GRAMD1B: variants seen among roughly 807,000 people sequenced by gnomAD.
GRAMD1B encodes the protein protein Aster-B.
GRAMD1B carries 37 observed loss-of-function variants against 99.7 expected under a neutral mutation model. The ratio of observed to expected loss-of-function variants is 0.37; its 90% CI spans 0.29 to 0.49. The LOEUF is 0.49. Among genes scored for constraint, GRAMD1B ranks in the 20% least tolerant of loss-of-function variants. GRAMD1B has a pLI of 0.98. For missense variants in GRAMD1B, 888 were observed against 1,009.2 expected (o/e 0.88, Z 1.63); for synonymous variants, 427 against 387.6 (o/e 1.10, Z -1.19).
At position 123,492,560 on chromosome 11, in the gene GRAMD1B, G is replaced by A. The variant is rs1174145675; in HGVS notation, c.452+11667G>A. 6.6e-6 allele frequency among the ~76,000 whole-genome samples: 1 copy of A among 152,170 alleles called. No individual in the cohort carries two copies. The highest frequency in any genetic ancestry group is 1.5e-5 in the Non-Finnish European group (1 of 68,032). ...CCTGCCCTCTTGGCCTCTGTAACTA[G>A]AAGAAGGAGATTTCCTGGAGGAGGA... On this transcript the variant is annotated intron_variant, in intron 2 of 19. Transcript: ENST00000635736. The surrounding 1 kb of genome is among the most constrained non-coding windows in gnomAD (Gnocchi z 4.2).
intron 1 of GRAMD1B, among the ~76,000 whole-genome samples, chr11:123,468,552 G>A (rs1226495777): frequency 6.6e-6 from 1 of 152,076 alleles, no homozygotes; most frequent in Non-Finnish European, 1.5e-5. Flanking sequence ...CTGGCACTTC[G>A]GGAGGCTGAG....
intron 1 of GRAMD1B, among the ~76,000 whole-genome samples, chr11:123,434,363 C>G (rs1431850749): frequency 6.6e-6 from 1 of 151,868 alleles, no homozygotes; most frequent in Admixed American, 6.6e-5. Context: ...ATACTGCCTT[C>G]TGTTGGAATC....
Position 123,548,341 on chromosome 11 carries a change from C to CAT in GRAMD1B, c.453-29025_453-29024insTA, listed in dbSNP as rs1177104031. Among the ~76,000 whole-genome samples the CAT allele has an allele frequency of 5.2e-3, 602 of 114,814 alleles. 16 individuals carry two copies. Among genetic ancestry groups the CAT allele is most frequent in the African/African-American group, 0.022 (518 of 23,560 alleles). 75.3% of individuals were successfully genotyped at this position (114,814 alleles called of 152,430 possible). A position where few individuals can be genotyped will look rare whatever the true frequency, so the allele number is the denominator to read the frequency against. On this transcript the variant is annotated intron_variant, in intron 2 of 19. Transcript: ENST00000635736. ...ATATATATATACACACACACACACA[C>CAT]ACACACACATATATATATATATGTA... is the stretch of plus-strand genomic sequence containing the variant.
chr11:123,556,621 G>T (rs1200853314), intron 2 of GRAMD1B, among the ~76,000 whole-genome samples: 1 of 152,172 alleles, frequency 6.6e-6, no homozygotes, highest in African/African-American at 2.4e-5. Context: ...GATAGTGTCA[G>T]TTTTCTGTAT....
Position 123,446,176 on chromosome 11 carries a change from A to G in GRAMD1B, c.374+15010A>G, listed in dbSNP as rs112459981. On this transcript the variant is annotated intron_variant, in intron 1 of 19. Coordinates refer to ENST00000635736, the MANE Select transcript of GRAMD1B (RefSeq NM_001387025.1). ...GCCTCTGCAGACTTCTTTTATTATT[A>G]TTTTTTTTAGATGGAGTCTCTCTTT... Among the ~76,000 whole-genome samples, 1,024 of 151,298 alleles carry G rather than the reference A, an allele frequency of 6.8e-3. 12 individuals are homozygous for G. The highest frequency in any genetic ancestry group is 0.023 in the African/African-American group (945 of 41,158).
chr11:123,482,130 G>C (rs1033961187), intron 2 of GRAMD1B, among the ~76,000 whole-genome samples: 2 of 149,684 alleles, frequency 1.3e-5, no homozygotes, highest in African/African-American at 4.9e-5. Context: ...ACAGAATCTC[G>C]CTCTGTCACA....
At chr11:123,465,173 T>G (rs903693735) in intron 1 of GRAMD1B, among the ~76,000 whole-genome samples, 2 of 152,056 alleles carry the variant, frequency 1.3e-5, no homozygotes, top group African/African-American at 4.8e-5. Flanking sequence ...AAAGAGACTC[T>G]GGATGGAACT....
At position 123,430,591 on chromosome 11, in the gene GRAMD1B, G is replaced by A; in HGVS notation, c.-202G>A. 1 of 452,696 alleles carries A rather than the reference G, an allele frequency of 2.2e-6. No individual in the cohort carries two copies. Among genetic ancestry groups the A allele is most frequent in the East Asian group, 3.6e-5 (1 of 28,140 alleles). The allele number at this position is 452,696 out of a possible 1,614,324, so 28.0% of individuals were successfully genotyped here. A position where few individuals can be genotyped will look rare whatever the true frequency, so the allele number is the denominator to read the frequency against. On this transcript the variant is annotated 5_prime_UTR_variant, in exon 1 of 20. Transcript: ENST00000635736. The stretch of plus-strand genomic sequence containing the variant: ...TGACGGCCCGGAGGACGCGCGCTCC[G>A]AAAAGTTAGACTCCGGGCGGCGGCG...
chr11:123,526,430 C>T (rs1942755235), intron 2 of GRAMD1B, among the ~76,000 whole-genome samples: 1 of 152,168 alleles, frequency 6.6e-6, no homozygotes. Flanking sequence ...AATCAAATTG[C>T]AGCTAAAACG....
At chr11:123,378,455 A>G (rs1946764218) in intron 1 of GRAMD1B, among the ~76,000 whole-genome samples, 1 of 152,182 alleles carries the variant, frequency 6.6e-6, no homozygotes, top group African/African-American at 2.4e-5. Context: ...TTTATCAAAT[A>G]TATGATTTGC....
intron 1 of GRAMD1B, among the ~76,000 whole-genome samples, chr11:123,412,037 A>T (rs1948070119): frequency 6.6e-6 from 1 of 152,240 alleles, no homozygotes; most frequent in African/African-American, 2.4e-5. Context: ...CATGTGTTGT[A>T]TATATATGTA....
chr11:123,509,196 C>T (rs1341630379), intron 2 of GRAMD1B, among the ~76,000 whole-genome samples: 1 of 152,114 alleles, frequency 6.6e-6, no homozygotes, highest in Non-Finnish European at 1.5e-5. Context: ...TGTTTTGACC[C>T]TTTGGCTTTT....
chr11:123,534,081 T>G (rs1296283342), intron 2 of GRAMD1B, among the ~76,000 whole-genome samples: 1 of 152,254 alleles, frequency 6.6e-6, no homozygotes, highest in Non-Finnish European at 1.5e-5. Context: ...CAAATCTGTG[T>G]GTAGCTTTTG....
intron 1 of GRAMD1B, among the ~76,000 whole-genome samples, chr11:123,439,211 C>T (rs955344327): frequency 6.6e-6 from 1 of 152,086 alleles, no homozygotes. Flanking sequence ...TTTCGGGTCT[C>T]TCAGGGACTC....
chr11:123,485,448 A>AT (rs1222440364), intron 2 of GRAMD1B, among the ~76,000 whole-genome samples: 1 of 152,140 alleles, frequency 6.6e-6, no homozygotes, highest in East Asian at 1.9e-4. Flanking sequence ...TCTGAGAAAG[A>AT]TTTTTTCCTT....
At chr11:123,448,480 A>T (rs943219271) in intron 1 of GRAMD1B, among the ~76,000 whole-genome samples, 12 of 152,186 alleles carry the variant, frequency 7.9e-5, no homozygotes, top group Admixed American at 6.5e-5. Context: ...TTGGCCTCCC[A>T]AGTGCTGGGA....
At chr11:123,461,932 T>G (rs1245213928) in intron 1 of GRAMD1B, among the ~76,000 whole-genome samples, 3 of 98,356 alleles carry the variant, frequency 3.1e-5, no homozygotes, top group East Asian at 4.3e-4. Flanking sequence ...CAAGTGCAGG[T>G]TTTTTTTTTT....
At chr11:123,498,060 A>G (rs1939497599) in intron 2 of GRAMD1B, among the ~76,000 whole-genome samples, 2 of 152,038 alleles carry the variant, frequency 1.3e-5, no homozygotes, top group Non-Finnish European at 2.9e-5. Context: ...GCTGATGTTC[A>G]CTTAAAGTCC....
chr11:123,556,292 A>T (rs1946176578), intron 2 of GRAMD1B, among the ~76,000 whole-genome samples: 1 of 152,238 alleles, frequency 6.6e-6, no homozygotes, highest in South Asian at 2.1e-4. Context: ...GCTACTCTGT[A>T]AAAGTTTTTA....
Sources: gnomAD v4.1 joint callset for allele counts (sites outside exome capture counted in the v4.1 genomes callset) on GRCh38, gnomAD v4.1.1 for gene constraint, Gnocchi (gnomAD v3.1) non-coding constraint, MANE v1.5 for transcripts, NCBI Gene and HGNC (gene_info 2026-07-23, HGNC 2026-07-21) for gene names.